Variants in ASIC2 observed in about 807,000 individuals in gnomAD.
ASIC2 encodes the protein acid-sensing ion channel 2.
Under a neutral mutation model 57.3 loss-of-function variants are expected in ASIC2, and 25 were observed. The ratio of observed to expected loss-of-function variants is 0.44; its 90% confidence interval spans 0.32 to 0.61. ASIC2 has a LOEUF of 0.61. ASIC2 is among the 20% of genes least tolerant of loss of function. The probability of loss-of-function intolerance (pLI) is 0.06; values close to 1 mark genes in which losing one functional copy is unlikely to be tolerated. For synonymous variants in ASIC2, 319 were observed against 307.5 expected, an observed-to-expected ratio of 1.04 and a Z score of -0.39; for missense variants, 641 against 738.1, an observed-to-expected ratio of 0.87 and a Z score of 1.52.
At chr17:34,115,158 C>T (rs373054258) in intron 1 of ASIC2, among the ~76,000 whole-genome samples, 1 of 152,186 alleles carries the variant, frequency 6.6e-6, no homozygotes, top group African/African-American at 2.4e-5. Context: ...TGCTTAGTCA[C>T]CCCATTGCAC....
chr17:33,659,405 G>T (rs1024904448), intron 1 of ASIC2, among the ~76,000 whole-genome samples: 1 of 152,156 alleles, frequency 6.6e-6, no homozygotes, highest in Middle Eastern at 3.4e-3. Context: ...AAGCCTCCGT[G>T]GTACAGCCGA....
chr17:34,060,278 A>C (rs1438588997), intron 1 of ASIC2, among the ~76,000 whole-genome samples: 1 of 152,236 alleles, frequency 6.6e-6, no homozygotes, highest in African/African-American at 2.4e-5. Context: ...AGGAAGCCAC[A>C]TCCATAGGAA....
chr17:33,366,923 C>G (rs1305053111), intron 1 of ASIC2, among the ~76,000 whole-genome samples: 2 of 152,208 alleles, frequency 1.3e-5, no homozygotes, highest in Non-Finnish European at 2.9e-5. Context: ...TGAGCATACA[C>G]TTTGTTAGGT....
At chr17:33,867,074 T>A (rs1048011358) in intron 1 of ASIC2, among the ~76,000 whole-genome samples, 6 of 152,228 alleles carry the variant, frequency 3.9e-5, no homozygotes, top group African/African-American at 1.4e-4. Flanking sequence ...ACAGTTGGAA[T>A]CTGGGAAACA....
chr17:33,019,120 T>C (rs1219085018), intron 7 of ASIC2, among the ~76,000 whole-genome samples: 1 of 152,088 alleles, frequency 6.6e-6, no homozygotes, highest in Non-Finnish European at 1.5e-5. Context: ...TGGATATGTA[T>C]GTCGGGGGAG....
At chr17:34,129,374 T>C (rs1911886428) in intron 1 of ASIC2, among the ~76,000 whole-genome samples, 1 of 152,166 alleles carries the variant, frequency 6.6e-6, no homozygotes, top group Admixed American at 6.5e-5. Flanking sequence ...ACAATTTCTT[T>C]TCCTGTAAAA....
At chr17:34,098,009 G>A (rs1910608118) in intron 1 of ASIC2, among the ~76,000 whole-genome samples, 1 of 152,150 alleles carries the variant, frequency 6.6e-6, no homozygotes, top group Non-Finnish European at 1.5e-5. Context: ...GTGGAGAGCA[G>A]GAGAGCTTTA....
chr17:33,730,692 A>G (rs1909714027), intron 1 of ASIC2, among the ~76,000 whole-genome samples: 1 of 152,250 alleles, frequency 6.6e-6, no homozygotes, highest in Admixed American at 6.5e-5. Context: ...AGACGCTTCA[A>G]GGAGAACTTC....
At chr17:34,108,766 T>C (rs1911158151) in intron 1 of ASIC2, among the ~76,000 whole-genome samples, 1 of 152,122 alleles carries the variant, frequency 6.6e-6, no homozygotes, top group Admixed American at 6.5e-5. Flanking sequence ...ATTTTGATTT[T>C]AGTTCTGTTA....
At chr17:33,039,652 G>C (rs1598247895) in intron 3 of ASIC2, among the ~76,000 whole-genome samples, 1 of 152,162 alleles carries the variant, frequency 6.6e-6, no homozygotes, top group African/African-American at 2.4e-5. Flanking sequence ...AATAGGACCT[G>C]ACATAAAATG....
chr17:33,108,787 C>G (rs1366702813), intron 2 of ASIC2, among the ~76,000 whole-genome samples: 2 of 152,186 alleles, frequency 1.3e-5, no homozygotes, highest in African/African-American at 4.8e-5. Context: ...GACAAAACCT[C>G]AGCCTCCTTT....
chr17:33,311,673 G>A (rs1366424341), intron 1 of ASIC2, among the ~76,000 whole-genome samples: 1 of 152,176 alleles, frequency 6.6e-6, no homozygotes, highest in Non-Finnish European at 1.5e-5. Context: ...GCAGCCCAAG[G>A]TGCAGGTAGG....
At chr17:33,017,500 T>C (rs893913627) in intron 8 of ASIC2, 105 bp downstream of exon 8, 1 of 907,402 alleles carries the variant, frequency 1.1e-6, no homozygotes, top group Admixed American at 2.2e-5. Context: ...AAGCAGGCTC[T>C]GCATGGAGAG....
intron 1 of ASIC2, chr17:33,828,430 C>T (rs761544958): frequency 6.6e-6 from 1 of 152,142 alleles, no homozygotes; most frequent in Non-Finnish European, 1.5e-5. Flanking sequence ...AAGGTATCAT[C>T]TTTGTGAGAA....
intron 1 of ASIC2, among the ~76,000 whole-genome samples, chr17:33,573,601 T>A (rs1916521875): frequency 6.6e-6 from 1 of 152,224 alleles, no homozygotes; most frequent in African/African-American, 2.4e-5. Flanking sequence ...AGTCTTGCTC[T>A]GTCACCCAGC....
intron 1 of ASIC2, among the ~76,000 whole-genome samples, chr17:33,326,273 G>A (rs1907073922): frequency 6.6e-6 from 1 of 152,182 alleles, no homozygotes; most frequent in African/African-American, 2.4e-5. Flanking sequence ...GGAAATCGAG[G>A]TCATTAACTT....
chr17:34,122,613 G>C (rs1911658618), intron 1 of ASIC2, among the ~76,000 whole-genome samples: 1 of 152,238 alleles, frequency 6.6e-6, no homozygotes, highest in Non-Finnish European at 1.5e-5. Flanking sequence ...AGGGGCAAAA[G>C]AGGAGCTATT....
intron 1 of ASIC2, among the ~76,000 whole-genome samples, chr17:33,527,878 C>T (rs1914931186): frequency 6.6e-6 from 1 of 152,108 alleles, no homozygotes; most frequent in Non-Finnish European, 1.5e-5. Context: ...CTCTGACTCC[C>T]ATTGGACAGA....
chr17:33,860,020 C>G (rs1475912780), intron 1 of ASIC2, among the ~76,000 whole-genome samples: 1 of 152,122 alleles, frequency 6.6e-6, no homozygotes, highest in African/African-American at 2.4e-5. Context: ...CACATAGCAT[C>G]AGAAGAACTT....
Sources: gnomAD v4.1 joint callset for allele counts (sites outside exome capture counted in the v4.1 genomes callset) on GRCh38, gnomAD v4.1.1 for gene constraint, MANE v1.5 for transcripts, NCBI Gene and HGNC (gene_info 2026-07-23, HGNC 2026-07-21) for gene names.